CSF3R: variants seen among roughly 807,000 people sequenced by gnomAD.
CSF3R encodes the protein granulocyte colony-stimulating factor receptor.
CSF3R carries 52 observed loss-of-function variants against 84.4 expected under a neutral mutation model. The observed-to-expected ratio is 0.62, with a 90% CI of 0.49 to 0.78. The LOEUF (loss-of-function observed/expected upper bound fraction) is 0.78. CSF3R is among the 30% of genes least tolerant of loss of function. The pLI, the probability that CSF3R is intolerant of heterozygous loss-of-function variation, is 0.00. For missense variants in CSF3R, 890 were observed against 1,055.7 expected, an observed-to-expected ratio of 0.84 and a Z score of 2.17; for synonymous variants, 384 against 429.1, an observed-to-expected ratio of 0.89 and a Z score of 1.30.
chr1:36,467,814 C>T lies in CSF3R; in HGVS notation c.1864+8G>A. On this transcript the variant is annotated splice_region_variant and intron_variant, in intron 14 of 16. Coordinates refer to ENST00000373106, the MANE Select transcript of CSF3R (RefSeq NM_000760.4). The surrounding 1 kb of genome is among the most constrained non-coding windows in gnomAD (Gnocchi z 4.1). ...AGCCATCTCTGCCCAGCCCCCGTCT[C>T]CCCTTACCTGGGGTCAAGGTCATCA... 1 of 1,614,264 alleles carries T rather than the reference C, an allele frequency of 6.2e-7. No individual in the cohort carries two copies. The highest frequency in any genetic ancestry group is 8.5e-7 in the Non-Finnish European group (1 of 1,180,046).
At position 36,466,733 on chromosome 1, in the gene CSF3R, T is replaced by C. The variant is rs756985555; in HGVS notation, c.2135A>G (p.His712Arg). The C allele has an allele frequency of 3.2e-5, 52 of 1,614,082 alleles. No homozygotes were observed. The highest frequency in any genetic ancestry group is 4.2e-5 in the Non-Finnish European group (50 of 1,180,048). ...GAGGCCACAGGTCTCTGAGCTGTTA[T>C]GGGACTCCCAGGGCACCGGCTTCTT... ...DEKKPVPWES[H>R]NSSETCGLPT... Residue 712 changes from histidine to arginine, a missense_variant, in exon 17 of 17, where the codon CAT (histidine) becomes CGT (arginine). His to Arg is a conservative substitution (Grantham distance 29). Coordinates refer to ENST00000373106, the MANE Select transcript of CSF3R (RefSeq NM_000760.4). The surrounding 1 kb of genome is among the most constrained non-coding windows in gnomAD (Gnocchi z 4.6).
chr1:36,475,938 G>GT lies in CSF3R; in HGVS notation c.65-266dup, dbSNP rs3917952. The GT allele has an allele frequency of 0.33, 141,418 of 434,340 alleles. 25,071 individuals are homozygous for GT. Among genetic ancestry groups the GT allele is most frequent in the Admixed American group, 0.45 (11,660 of 26,096 alleles). 26.9% of individuals were successfully genotyped at this position (434,340 alleles called of 1,614,324 possible). A position where few individuals can be genotyped will look rare whatever the true frequency, so the allele number is the denominator to read the frequency against. On this transcript the variant is annotated intron_variant, in intron 3 of 16. Transcript: ENST00000373106. Reference sequence around the variant, plus strand: ...TTTGTAGTGTGTGCCTTTCCGCGGTGTAAGTGCTCTCACTGTAGCTGATTT... The same window carrying GT: ...TTTGTAGTGTGTGCCTTTCCGCGGTGTTAAGTGCTCTCACTGTAGCTGATTT...
At chr1:36,478,971 C>G (rs1418501687) in intron 3 of CSF3R, 1 of 277,286 alleles carries the variant, frequency 3.6e-6, no homozygotes, top group African/African-American at 2.2e-5. Flanking sequence ...GCATCTTTAT[C>G]AATCCTGGCT....
chr1:36,480,813 A>AT (rs757782923), intron 2 of CSF3R, among the ~76,000 whole-genome samples: 10 of 152,178 alleles, frequency 6.6e-5, no homozygotes, highest in Non-Finnish European at 1.3e-4. Flanking sequence ...CCATGTATAT[A>AT]TTGCAGTATC....
intron 1 of CSF3R, chr1:36,482,016 C>T (rs1022729369): frequency 6.6e-6 from 1 of 152,408 alleles, no homozygotes; most frequent in African/African-American, 2.4e-5. Flanking sequence ...CTCTTCCCCA[C>T]TTCACACCCC....
intron 4 of CSF3R, 42 bp from the exon 5 acceptor site, chr1:36,473,929 C>T: frequency 1.9e-6 from 3 of 1,612,996 alleles, no homozygotes; most frequent in African/African-American, 1.3e-5. Flanking sequence ...TGGGTGGGAC[C>T]ACTCAGAAAG....
In CSF3R at chr1:36,467,430, G is replaced by A. The variant is rs1650397751; in HGVS notation, c.1959-119C>T. ...CCTTAGTGCAGAGAGAAGAAGCTGG[G>A]GGCTGGGACTCTCAGACATGGGCCC... On this transcript the variant is annotated intron_variant, in intron 15 of 16. Transcript: ENST00000373106. The surrounding 1 kb of genome is among the most constrained non-coding windows in gnomAD (Gnocchi z 4.1). 4 of 1,404,022 alleles carry A rather than the reference G, an allele frequency of 2.8e-6. No individual in the cohort carries two copies. The highest frequency in any genetic ancestry group is 1.7e-5 in the Admixed American group (1 of 59,580). The allele number at this position is 1,404,022 out of a possible 1,614,324, so 87.0% of individuals were successfully genotyped here.
rs557098338 is a variant in CSF3R at position 36,479,331 on chromosome 1, C to A, written c.64+102G>T. 120 of 1,181,582 alleles carry A rather than the reference C, an allele frequency of 1.0e-4. No homozygotes were observed. The East Asian group carries it at 2.6e-3, about 26-fold the overall frequency. 73.2% of individuals were successfully genotyped at this position (1,181,582 alleles called of 1,614,324 possible). A position where few individuals can be genotyped will look rare whatever the true frequency, so the allele number is the denominator to read the frequency against. On this transcript the variant is annotated intron_variant, in intron 3 of 16. Transcript: ENST00000373106. ...GCTCAGACTTGAATCTTGTGGGATT[C>A]TCTGGGAATCCCAGGAGCCATGTGG...
intron 10 of CSF3R, 102 bp from the exon 11 acceptor site, chr1:36,469,942 G>C: frequency 7.9e-7 from 1 of 1,265,248 alleles, no homozygotes; most frequent in Middle Eastern, 2.6e-4. Flanking sequence ...TACAGGCTGG[G>C]TGACCTTTGG....
intron 3 of CSF3R, chr1:36,476,226 T>C (rs1201480946): frequency 6.5e-6 from 1 of 153,134 alleles, no homozygotes. Context: ...TGTGGTGTGA[T>C]GGATGAGTGT....
chr1:36,467,218 C>T lies in CSF3R; in HGVS notation c.2040+12G>A, dbSNP rs1246458905. 6.2e-7 allele frequency: 1 copy of T among 1,613,956 alleles called. No individual in the cohort carries two copies. Among genetic ancestry groups the T allele is most frequent in the East Asian group, 2.2e-5 (1 of 44,876 alleles). On this transcript the variant is annotated intron_variant, in intron 16 of 16. Coordinates refer to ENST00000373106, the MANE Select transcript of CSF3R (RefSeq NM_000760.4). This position sits in a 1 kb window ranked among gnomAD's most constrained non-coding sequence, Gnocchi z 4.1. The stretch of plus-strand genomic sequence containing the variant: ...TCCCCATCTCATTTCCCTCTCCCTC[C>T]TGGATTCTCACCTCCTCCATGATTG...
At chr1:36,470,925 C>T (rs1044436682) in intron 10 of CSF3R, among the ~76,000 whole-genome samples, 2 of 152,206 alleles carry the variant, frequency 1.3e-5, no homozygotes, top group African/African-American at 4.8e-5. Flanking sequence ...CATGTACACC[C>T]CATGGCACCG....
intron 9 of CSF3R, 77 bp downstream of exon 9, chr1:36,471,989 C>T: frequency 6.8e-7 from 1 of 1,471,384 alleles, no homozygotes; most frequent in Non-Finnish European, 9.4e-7. Flanking sequence ...TGTTGGAGTC[C>T]TAAGCCCCGG....
chr1:36,468,051 T>TG (rs1256632266), intron 13 of CSF3R, 24 bp downstream of exon 13: 1 of 1,614,030 alleles, frequency 6.2e-7, no homozygotes, highest in South Asian at 1.1e-5. Flanking sequence ...TCTGGGGCTG[T>TG]GGGGGAACTG....
At position 36,466,434 on chromosome 1, in the gene CSF3R, C is replaced by G. The variant is rs528303671; in HGVS notation, c.2434G>C (p.Val812Leu). ...GGGAAGTTGAGCAGTGGCCCAAAGA[C>G]ACAGTCGTCCTCCTGGCTTGGGGCT... ...TPAPSQEDDC[V>L]FGPLLNFPLL... Residue 812 changes from valine to leucine, a missense_variant, in exon 17 of 17, where the codon GTC becomes CTC. Val to Leu is a conservative substitution (Grantham distance 32, BLOSUM62 1). Coordinates refer to ENST00000373106, the MANE Select transcript of CSF3R (RefSeq NM_000760.4). The surrounding 1 kb of genome is among the most constrained non-coding windows in gnomAD (Gnocchi z 4.6). 1.2e-6 allele frequency: 2 copies of G among 1,613,624 alleles called. No homozygotes were observed. The highest frequency in any genetic ancestry group is 4.5e-5 in the East Asian group (2 of 44,864).
chr1:36,476,322 T>G (rs1651146531), intron 3 of CSF3R: 1 of 152,350 alleles, frequency 6.6e-6, no homozygotes, highest in African/African-American at 2.4e-5. Context: ...TAAGACTTCC[T>G]GTGCCTCAGT....
chr1:36,472,908 C>T lies in CSF3R; in HGVS notation c.674-222G>A, dbSNP rs952587339. ...TTGTTACTTCTGCTTGAAATGTTTT[C>T]CCTCCAGATATCCAGCGGCTTGCTC... On this transcript the variant is annotated intron_variant, in intron 6 of 16. Coordinates refer to ENST00000373106, the MANE Select transcript of CSF3R (RefSeq NM_000760.4). This position sits in a 1 kb window ranked among gnomAD's most constrained non-coding sequence, Gnocchi z 5.0. 1 of 570,252 alleles carries T rather than the reference C, an allele frequency of 1.8e-6. No individual in the cohort carries two copies. The highest frequency in any genetic ancestry group is 3.0e-6 in the Non-Finnish European group (1 of 335,450). 35.3% of individuals were successfully genotyped at this position (570,252 alleles called of 1,614,324 possible).
chr1:36,469,247 C>T lies in CSF3R; in HGVS notation c.1485G>A (p.Arg495=), dbSNP rs747496320. The part of the protein sequence containing the change: ...ATGFLLKENI[R]PFQLYEIIVT... Reference sequence around the variant, plus strand: ...CGATGATCTCATAGAGCTGAAAGGGCCTGATGTTCTCTGTAGAGAGAAAAT... The same window carrying T: ...CGATGATCTCATAGAGCTGAAAGGGTCTGATGTTCTCTGTAGAGAGAAAAT... Residue 495 remains arginine, a synonymous_variant, in exon 12 of 17, where the codon AGG becomes AGA. Coordinates refer to ENST00000373106, the MANE Select transcript of CSF3R (RefSeq NM_000760.4). The T allele has an allele frequency of 6.2e-7, 1 of 1,613,640 alleles. No individual in the cohort carries two copies. The highest frequency in any genetic ancestry group is 1.3e-5 in the African/African-American group (1 of 74,876).
rs1218145349 is a variant in CSF3R, at chr1:36,466,132, G to A, written c.*225C>T. On this transcript the variant is annotated 3_prime_UTR_variant, in exon 17 of 17. Coordinates refer to ENST00000373106, the MANE Select transcript of CSF3R (RefSeq NM_000760.4). The surrounding 1 kb of genome is among the most constrained non-coding windows in gnomAD (Gnocchi z 4.6). Reference sequence around the variant, plus strand: ...AAGTTATAGGAAACAAGCACAAAAGGCCATTGGGTGGGGCTGGATGGAGCA... The same window carrying A: ...AAGTTATAGGAAACAAGCACAAAAGACCATTGGGTGGGGCTGGATGGAGCA... The A allele has an allele frequency of 1.9e-6, 3 of 1,614,056 alleles. No homozygotes were observed. The highest frequency in any genetic ancestry group is 3.3e-5 in the Admixed American group (2 of 60,004).
Sources: gnomAD v4.1 joint callset for allele counts (sites outside exome capture counted in the v4.1 genomes callset) on GRCh38, gnomAD v4.1.1 for gene constraint, Gnocchi (gnomAD v3.1) non-coding constraint, MANE v1.5 for transcripts, NCBI Gene and HGNC (gene_info 2026-07-23, HGNC 2026-07-21) for gene names.